COL4A4: variants seen among roughly 807,000 people sequenced by gnomAD.
COL4A4 encodes the protein collagen alpha-4(IV) chain.
Under a neutral mutation model 192.9 loss-of-function variants are expected in COL4A4, and 105 were observed. That is an observed-to-expected ratio of 0.54 (90% confidence interval 0.46 to 0.64). The LOEUF is 0.64. Ranked by LOEUF, COL4A4 falls within the 30% of genes least tolerant of loss-of-function variation. The pLI, the probability that COL4A4 is intolerant of heterozygous loss-of-function variation, is 0.00. For missense variants in COL4A4, 1,967 were observed against 2,169.3 expected, an observed-to-expected ratio of 0.91 and a Z score of 1.85; for synonymous variants, 762 against 769.9, an observed-to-expected ratio of 0.99 and a Z score of 0.17.
chr2:227,156,269 C>T (rs1014458181), intron 1 of COL4A4, among the ~76,000 whole-genome samples: 11 of 151,692 alleles, frequency 7.3e-5, no homozygotes, highest in African/African-American at 1.5e-4. Flanking sequence ...CTGGGTTGCA[C>T]GTGCCTGTAT....
At chr2:227,066,554 C>T (rs974158194) in intron 25 of COL4A4, among the ~76,000 whole-genome samples, 4 of 151,986 alleles carry the variant, frequency 2.6e-5, no homozygotes, top group African/African-American at 4.8e-5. Flanking sequence ...AGAGTGGGGG[C>T]CAATATTCAA....
chr2:227,161,089 G>C (rs912936683), intron 1 of COL4A4, among the ~76,000 whole-genome samples: 6 of 152,194 alleles, frequency 3.9e-5, no homozygotes, highest in Non-Finnish European at 5.9e-5. Context: ...CATGAACTTA[G>C]GAAGAAACCA....
chr2:227,025,092 A>C (rs1291108386), intron 43 of COL4A4, among the ~76,000 whole-genome samples: 3 of 152,214 alleles, frequency 2.0e-5, no homozygotes, highest in African/African-American at 7.2e-5. Flanking sequence ...ACTGAAAAAT[A>C]AAAAGGGGGA....
chr2:227,010,627 T>C lies in COL4A4; in HGVS notation c.4334-126A>G. ...GCAGAGGGGAGCATGACTCAGCCCC[T>C]CCTCGCCTTCTGGAACGTACACAGC... is the stretch of plus-strand genomic sequence containing the variant. On this transcript the variant is annotated intron_variant, in intron 45 of 47. Transcript: ENST00000396625. 4.4e-6 allele frequency: 3 copies of C among 687,154 alleles called. No individual in the cohort carries two copies. The South Asian group carries it at 7.4e-5, about 17-fold the overall frequency. The allele number at this position is 687,154 out of a possible 1,614,324, so 42.6% of individuals were successfully genotyped here. A position where few individuals can be genotyped will look rare whatever the true frequency, so the allele number is the denominator to read the frequency against.
intron 4 of COL4A4, among the ~76,000 whole-genome samples, chr2:227,136,581 C>T (rs916977590): frequency 6.6e-6 from 1 of 152,074 alleles, no homozygotes; most frequent in African/African-American, 2.4e-5. Context: ...TCAAAGGAGG[C>T]CCCCCTTGAT....
chr2:227,099,804 T>A, intron 17 of COL4A4, 115 bp from the exon 18 acceptor site: 2 of 869,394 alleles, frequency 2.3e-6, no homozygotes, highest in Admixed American at 4.0e-5. Context: ...GCAGAGATTA[T>A]AGGCTGACTA....
the COL4A4 span, among the ~76,000 whole-genome samples, chr2:226,976,781 G>A: frequency 6.6e-5 from 10 of 152,336 alleles, no homozygotes; most frequent in Admixed American, 2.6e-4. Context: ...GTAGGTGTCT[G>A]GAGTGAGGCC....
the COL4A4 span, among the ~76,000 whole-genome samples, chr2:226,978,385 T>C: frequency 6.6e-6 from 1 of 151,936 alleles, no homozygotes; most frequent in Non-Finnish European, 1.5e-5. Context: ...AAGGGAAACA[T>C]GTGTGTACTG....
At chr2:227,085,164 A>C (rs2059530065) in intron 22 of COL4A4, among the ~76,000 whole-genome samples, 1 of 151,942 alleles carries the variant, frequency 6.6e-6, no homozygotes, top group East Asian at 1.9e-4. Flanking sequence ...AAACAAAAAA[A>C]ACACTTCCTC....
intron 41 of COL4A4, 139 bp from the exon 42 acceptor site, chr2:227,028,148 C>T (rs1450389684): frequency 2.0e-5 from 14 of 686,160 alleles, no homozygotes; most frequent in South Asian, 5.3e-5. Context: ...AGATTAGCCT[C>T]GCCTTCTTCT....
intron 37 of COL4A4, among the ~76,000 whole-genome samples, chr2:227,035,529 C>CAAA (rs112442514): frequency 1.6e-5 from 2 of 125,692 alleles, no homozygotes; most frequent in African/African-American, 2.8e-5. Context: ...TCTCGTGCAC[C>CAAA]AAAAAAAAAA....
At chr2:227,139,314 T>A (rs565969241) in intron 4 of COL4A4, among the ~76,000 whole-genome samples, 1 of 152,340 alleles carries the variant, frequency 6.6e-6, no homozygotes, top group East Asian at 1.9e-4. Flanking sequence ...TTCAAAAGAA[T>A]CATTGATCTG....
intron 25 of COL4A4, among the ~76,000 whole-genome samples, chr2:227,075,273 C>T (rs2058960960): frequency 6.6e-6 from 1 of 152,148 alleles, no homozygotes; most frequent in Admixed American, 6.5e-5. Flanking sequence ...CAAACGGAAT[C>T]CAGCAGCACA....
chr2:227,084,030 G>A (rs3923085), intron 22 of COL4A4, among the ~76,000 whole-genome samples: 36,164 of 152,118 alleles, frequency 0.24, 5,287 homozygotes, highest in South Asian at 0.38. Context: ...TATCACTCTA[G>A]TATAGCATCC....
chr2:227,054,881 C>G (rs896286132), intron 30 of COL4A4, 144 bp from the exon 31 acceptor site: 35 of 914,432 alleles, frequency 3.8e-5, no homozygotes, highest in Admixed American at 3.6e-4. Context: ...CCTCTGCCTC[C>G]CAAGTTCAAG....
intron 25 of COL4A4, among the ~76,000 whole-genome samples, chr2:227,065,856 T>C (rs1214045285): frequency 3.3e-5 from 5 of 152,074 alleles, no homozygotes; most frequent in Admixed American, 3.3e-4. Context: ...TCGCCAGCAA[T>C]GGAACAAAGC....
In COL4A4 at chr2:227,121,587, G is replaced by GA. The variant is rs2061797424; in HGVS notation, c.193-440dup. On this transcript the variant is annotated intron_variant, in intron 4 of 47. Transcript: ENST00000396625. Reference sequence around the variant, plus strand: ...AAAAAAAAAAAAAAAGAAAAGAAAAGAAAGACAAGAAAAGATAAAAGGAAA... The same window carrying GA: ...AAAAAAAAAAAAAAAGAAAAGAAAAGAAAAGACAAGAAAAGATAAAAGGAAA... Among the ~76,000 whole-genome samples the GA allele has an allele frequency of 2.9e-5, 4 of 140,138 alleles. No individual in the cohort carries two copies. The South Asian group carries it at 9.1e-4, about 32-fold the overall frequency. 91.9% of individuals were successfully genotyped at this position (140,138 alleles called of 152,430 possible).
chr2:226,990,460 G>A, the COL4A4 span, among the ~76,000 whole-genome samples: 5 of 152,096 alleles, frequency 3.3e-5, no homozygotes, highest in Non-Finnish European at 7.4e-5. Flanking sequence ...GCTATCCTGC[G>A]ACTCCAGTAT....
At position 227,007,545 on chromosome 2, in the gene COL4A4, G is replaced by A; in HGVS notation, c.4853C>T (p.Ser1618Leu). ...GAAATCTTCCAGGCAGCTGCCAGGT[G>A]ACATAAGGGCCTGCCCTCCTCCTTG... ...GDQGGGQALM[S>L]PGSCLEDFRA... is the part of the protein sequence containing the mutation. The change falls in exon 48 of 48, where the codon TCA becomes TTA. Residue 1618 changes from serine (S) to leucine (L), a missense_variant. Ser to Leu is a moderately radical substitution (Grantham distance 145). Transcript: ENST00000396625. 2.5e-6 allele frequency: 4 copies of A among 1,613,198 alleles called. No individual in the cohort carries two copies. The highest frequency in any genetic ancestry group is 3.4e-6 in the Non-Finnish European group (4 of 1,180,040).
Sources: allele counts gnomAD v4.1 joint callset (sites outside exome capture counted in the v4.1 genomes callset), GRCh38; gene constraint gnomAD v4.1.1; transcripts MANE v1.5; gene names NCBI Gene and HGNC (gene_info 2026-07-23, HGNC 2026-07-21).